Variants in MICU1 observed in about 807,000 individuals in gnomAD.
MICU1 encodes mitochondrial calcium uptake 1, also known as calcium uptake protein 1, mitochondrial.
Under a neutral mutation model 56.8 loss-of-function variants are expected in MICU1, and 45 were observed. That is an observed-to-expected ratio of 0.79 (90% CI 0.62 to 1.02). The LOEUF (loss-of-function observed/expected upper bound fraction) is 1.02, where lower values mean the gene tolerates loss of function less well. Ranked by LOEUF, MICU1 falls within the 50% of genes least tolerant of loss-of-function variation. MICU1 has a pLI of 0.00. For missense variants in MICU1, 504 were observed against 587.1 expected (o/e 0.86, Z 1.46); for synonymous variants, 186 against 195.1 (o/e 0.95, Z 0.39).
Position 72,478,188 on chromosome 10 carries a change from A to G in MICU1, c.653-932T>C, listed in dbSNP as rs531757511. On this transcript the variant is annotated intron_variant, in intron 6 of 11. Coordinates refer to ENST00000361114, the MANE Select transcript of MICU1 (RefSeq NM_001195518.2). ...CTGGCCTCAGCCCCCTATTTCGATC[A>G]TGTCAGCTGCATACACAAATTACTA... Among the ~76,000 whole-genome samples, 69 of 152,294 alleles carry G rather than the reference A, an allele frequency of 4.5e-4. No individual in the cohort carries two copies. The South Asian group carries it at 0.013, about 28-fold the overall frequency.
chr10:72,502,161 T>G (rs1291000561), intron 6 of MICU1, among the ~76,000 whole-genome samples: 1 of 144,902 alleles, frequency 6.9e-6, no homozygotes, highest in African/African-American at 2.6e-5. Context: ...TTTTTTTGTT[T>G]TTTTTTTTTT....
chr10:72,500,348 T>C lies in MICU1; in HGVS notation c.652+7807A>G, dbSNP rs1459572906. Among the ~76,000 whole-genome samples the C allele has an allele frequency of 9.0e-4, 119 of 132,864 alleles. 1 individual carries two copies. Among genetic ancestry groups the C allele is most frequent in the African/African-American group, 3.0e-3 (107 of 35,128 alleles). The allele number at this position is 132,864 out of a possible 152,430, so 87.2% of individuals were successfully genotyped here. ...TTTTTTTTTTTGAGACAGTCTTGCTTTGTTGCCCAGGCTAGGGTGCAGTGG... is the reference window on the plus strand; with the variant it reads ...TTTTTTTTTTTGAGACAGTCTTGCTCTGTTGCCCAGGCTAGGGTGCAGTGG... On this transcript the variant is annotated intron_variant, in intron 6 of 11. Coordinates refer to ENST00000361114, the MANE Select transcript of MICU1 (RefSeq NM_001195518.2).
chr10:72,501,035 T>C (rs546669381), intron 6 of MICU1, among the ~76,000 whole-genome samples: 21 of 152,096 alleles, frequency 1.4e-4, no homozygotes, highest in African/African-American at 5.1e-4. Flanking sequence ...CAGCAGTCCT[T>C]GGAAATTATT....
In MICU1 at chr10:72,374,209, T is replaced by C. The variant is rs547890288; in HGVS notation, c.1270+1574A>G. Among the ~76,000 whole-genome samples, 12 of 152,336 alleles carry C rather than the reference T, an allele frequency of 7.9e-5. No homozygotes were observed. In the East Asian group the frequency reaches 1.9e-3, roughly 24 times the overall value. Reference sequence around the variant, plus strand: ...GATCATGGCTCACTGCAGTCTTGACTTCCCCGCTTCAAGCGATCCTCTCAC... The same window carrying C: ...GATCATGGCTCACTGCAGTCTTGACCTCCCCGCTTCAAGCGATCCTCTCAC... On this transcript the variant is annotated intron_variant, in intron 11 of 11. Coordinates refer to ENST00000361114, the MANE Select transcript of MICU1 (RefSeq NM_001195518.2).
intron 8 of MICU1, among the ~76,000 whole-genome samples, chr10:72,468,243 T>C (rs1269266762): frequency 2.0e-5 from 3 of 152,014 alleles, no homozygotes; most frequent in African/African-American, 7.2e-5. Flanking sequence ...TCAGTGTCCT[T>C]GTCTTATATT....
intron 11 of MICU1, among the ~76,000 whole-genome samples, chr10:72,371,383 T>A: frequency 1.3e-5 from 1 of 75,918 alleles, no homozygotes; most frequent in Non-Finnish European, 2.4e-5. Context: ...CGAGACTCCG[T>A]CTCAAAAAAA....
At chr10:72,497,095 C>T (rs374643174) in intron 6 of MICU1, among the ~76,000 whole-genome samples, 1 of 151,506 alleles carries the variant, frequency 6.6e-6, no homozygotes, top group African/African-American at 2.4e-5. Context: ...AGTCTCACTC[C>T]GTCGCCCAGG....
At chr10:72,556,262 G>A (rs1840156215) in intron 3 of MICU1, among the ~76,000 whole-genome samples, 1 of 152,132 alleles carries the variant, frequency 6.6e-6, no homozygotes. Flanking sequence ...GCAATTCCAA[G>A]TTCTATGACA....
At chr10:72,587,122 G>C (rs1841083178) in intron 1 of MICU1, among the ~76,000 whole-genome samples, 1 of 152,108 alleles carries the variant, frequency 6.6e-6, no homozygotes, top group Non-Finnish European at 1.5e-5. Context: ...ATAAAGAAGA[G>C]AACTAGCAAT....
chr10:72,580,773 G>C (rs944427184), intron 1 of MICU1, among the ~76,000 whole-genome samples: 2 of 152,114 alleles, frequency 1.3e-5, no homozygotes, highest in Non-Finnish European at 2.9e-5. Context: ...CACTGTGCCC[G>C]GCCAAGCTTT....
intron 10 of MICU1, among the ~76,000 whole-genome samples, chr10:72,393,507 G>A (rs571125924): frequency 2.0e-5 from 3 of 152,274 alleles, no homozygotes; most frequent in Admixed American, 2.0e-4. Flanking sequence ...TAAGCTTGGT[G>A]TATTTGGAAT....
chr10:72,464,221 A>G (rs1036224045), intron 8 of MICU1, among the ~76,000 whole-genome samples: 6 of 150,310 alleles, frequency 4.0e-5, no homozygotes, highest in African/African-American at 1.2e-4. Context: ...ACTTGAACCC[A>G]AGAGGCAGAG....
At chr10:72,417,739 C>T (rs1264544672) in intron 9 of MICU1, among the ~76,000 whole-genome samples, 5 of 152,150 alleles carry the variant, frequency 3.3e-5, no homozygotes, top group Non-Finnish European at 7.4e-5. Context: ...ACGGCAGGTT[C>T]CCCAGTTCTT....
At chr10:72,427,131 G>C (rs1326333994) in intron 8 of MICU1, among the ~76,000 whole-genome samples, 2 of 152,218 alleles carry the variant, frequency 1.3e-5, no homozygotes, top group Non-Finnish European at 2.9e-5. Flanking sequence ...TGTCTAGGAA[G>C]AGAGCTTAAC....
intron 1 of MICU1, among the ~76,000 whole-genome samples, chr10:72,604,114 T>C (rs1216076524): frequency 6.6e-6 from 1 of 152,072 alleles, no homozygotes; most frequent in Non-Finnish European, 1.5e-5. Flanking sequence ...CCTATATACA[T>C]AAAAATTCCA....
intron 1 of MICU1, among the ~76,000 whole-genome samples, chr10:72,597,411 T>G (rs183658255): frequency 2.0e-5 from 3 of 152,316 alleles, no homozygotes; most frequent in Non-Finnish European, 4.4e-5. Flanking sequence ...AGGAGTTCCA[T>G]GAGAGACTTA....
intron 4 of MICU1, among the ~76,000 whole-genome samples, chr10:72,549,191 G>GTTT (rs869232997): frequency 7.6e-6 from 1 of 131,534 alleles, no homozygotes; most frequent in Non-Finnish European, 1.7e-5. Flanking sequence ...GTTTTTTTTG[G>GTTT]TTTTTTTTTT....
chr10:72,544,007 G>A (rs1207439988), intron 4 of MICU1, among the ~76,000 whole-genome samples: 4 of 152,166 alleles, frequency 2.6e-5, no homozygotes, highest in Non-Finnish European at 5.9e-5. Context: ...CAGACAGCTC[G>A]GCGCTGTGCC....
At chr10:72,504,212 T>C (rs548482120) in intron 6 of MICU1, among the ~76,000 whole-genome samples, 1 of 151,962 alleles carries the variant, frequency 6.6e-6, no homozygotes. Flanking sequence ...CCCAGAGGTA[T>C]CACATTACAA....
Sources: gnomAD v4.1 joint callset for allele counts (sites outside exome capture counted in the v4.1 genomes callset) on GRCh38, gnomAD v4.1.1 for gene constraint, MANE v1.5 for transcripts, NCBI Gene and HGNC (gene_info 2026-07-23, HGNC 2026-07-21) for gene names.